The following TRPC3 variants were observed in gnomAD, a reference collection of about 807,000 sequenced individuals.
TRPC3 encodes short transient receptor potential channel 3.
Under a neutral mutation model 90.9 loss-of-function variants are expected in TRPC3, and 54 were observed. The ratio of observed to expected loss-of-function variants is 0.59; its 90% confidence interval spans 0.48 to 0.75. The LOEUF (loss-of-function observed/expected upper bound fraction) is 0.75, where lower values mean the gene tolerates loss of function less well. Among genes scored for constraint, TRPC3 ranks in the 30% least tolerant of loss-of-function variants. The pLI, the probability that TRPC3 is intolerant of heterozygous loss-of-function variation, is 0.00. For missense variants in TRPC3, 918 were observed against 1,194.5 expected (o/e 0.77, Z 3.41); for synonymous variants, 424 against 450.9 (o/e 0.94, Z 0.75).
chr4:121,941,857 A>G (rs1428669999), intron 1 of TRPC3, among the ~76,000 whole-genome samples: 1 of 152,012 alleles, frequency 6.6e-6, no homozygotes, highest in Admixed American at 6.6e-5. Flanking sequence ...GAGTGGGGAC[A>G]CTCTGAACCC....
At position 121,879,071 on chromosome 4, in the gene TRPC3, T is replaced by C. The variant is rs537675133; in HGVS notation, c.*665A>G. 1.5e-4 allele frequency: 23 copies of C among 152,336 alleles called. No individual in the cohort carries two copies. The highest frequency in any genetic ancestry group is 5.3e-4 in the African/African-American group (22 of 41,584). 9.4% of individuals were successfully genotyped at this position (152,336 alleles called of 1,614,324 possible). A position where few individuals can be genotyped will look rare whatever the true frequency, so the allele number is the denominator to read the frequency against. ...TAATGTGTTGTTTTAAATAATTCTA[T>C]GAAACTTAAATATACAATGTAATTA... On this transcript the variant is annotated 3_prime_UTR_variant, in exon 12 of 12. Coordinates refer to ENST00000379645, the MANE Select transcript of TRPC3 (RefSeq NM_001130698.2).
At chr4:121,943,844 AT>A (rs1730401179) in intron 1 of TRPC3, among the ~76,000 whole-genome samples, 1 of 152,170 alleles carries the variant, frequency 6.6e-6, no homozygotes, top group South Asian at 2.1e-4. Flanking sequence ...TTTAAGTCTC[AT>A]TTTTTAAAAA....
In TRPC3 at chr4:121,951,414, C is replaced by T. The variant is rs1333425923; in HGVS notation, c.215+52G>A. The T allele has an allele frequency of 2.6e-6, 3 of 1,142,436 alleles. No homozygotes were observed. The highest frequency in any genetic ancestry group is 3.6e-4 in the Middle Eastern group (1 of 2,774). 70.8% of individuals were successfully genotyped at this position (1,142,436 alleles called of 1,614,324 possible). A position where few individuals can be genotyped will look rare whatever the true frequency, so the allele number is the denominator to read the frequency against. On this transcript the variant is annotated intron_variant, in intron 1 of 11. Coordinates refer to ENST00000379645, the MANE Select transcript of TRPC3 (RefSeq NM_001130698.2). The surrounding 1 kb of genome is among the most constrained non-coding windows in gnomAD (Gnocchi z 4.4). The stretch of plus-strand genomic sequence containing the variant: ...CGCCCGGCGCGCGCCTTCCCGCCCC[C>T]CGCCCGGCACCGCCCTCCGAGGCGC...
chr4:121,950,277 G>C (rs911204539), intron 1 of TRPC3, among the ~76,000 whole-genome samples: 5 of 152,222 alleles, frequency 3.3e-5, no homozygotes, highest in Non-Finnish European at 5.9e-5. Context: ...TGCGCGCGCG[G>C]AGCAGCGCGC....
Position 121,932,131 on chromosome 4 carries a change from G to T in TRPC3, c.987+140C>A. The T allele has an allele frequency of 7.5e-7, 1 of 1,336,134 alleles. No homozygotes were observed. 82.8% of individuals were successfully genotyped at this position (1,336,134 alleles called of 1,614,324 possible). A position where few individuals can be genotyped will look rare whatever the true frequency, so the allele number is the denominator to read the frequency against. ...AGAAAGAAAACATTAGATGAGGTCT[G>T]AATGACGTTCTCAGTCCCTCGTGAT... On this transcript the variant is annotated intron_variant, in intron 2 of 11. Transcript: ENST00000379645. The surrounding 1 kb of genome is among the most constrained non-coding windows in gnomAD (Gnocchi z 7.7).
In TRPC3 at chr4:121,912,030, A is replaced by T; in HGVS notation, c.1405T>A (p.Phe469Ile). The stretch of plus-strand genomic sequence containing the variant: ...GCATTGAACACAAGCAGACCCAGGA[A>T]GATGATGAAAGAAGCTGCATGTGCT... Reference protein sequence around the residue: ...FVAHAASFIIFLGLLVFNASD... With the variant: ...FVAHAASFIIILGLLVFNASD... Residue 469 changes from phenylalanine (F) to isoleucine (I), a missense_variant, in exon 5 of 12, where the codon TTC becomes ATC. Physicochemically the swap from Phe to Ile is conservative, Grantham distance 21 (BLOSUM62 0). Transcript: ENST00000379645. The T allele has an allele frequency of 6.2e-7, 1 of 1,613,932 alleles. No individual in the cohort carries two copies. Among genetic ancestry groups the T allele is most frequent in the Non-Finnish European group, 8.5e-7 (1 of 1,179,856 alleles).
At chr4:121,881,467 T>C (rs1395971809) in intron 11 of TRPC3, among the ~76,000 whole-genome samples, 1 of 152,156 alleles carries the variant, frequency 6.6e-6, no homozygotes, top group Non-Finnish European at 1.5e-5. Context: ...TTCCAATCCT[T>C]TCTCCTGAGA....
rs1727819867 is a variant in TRPC3 at position 121,878,124 on chromosome 4, CAT to C, written c.*1610_*1611del. ...TATTTTATTCAGTTCTGAGACACAA[CAT>C]AAAGTACATAAAGTTTGAAAAATGT... On this transcript the variant is annotated 3_prime_UTR_variant, in exon 12 of 12. Transcript: ENST00000379645. Among the ~76,000 whole-genome samples the C allele has an allele frequency of 6.6e-6, 1 of 152,130 alleles. No individual in the cohort carries two copies. The highest frequency in any genetic ancestry group is 1.5e-5 in the Non-Finnish European group (1 of 68,020).
chr4:121,879,611 A>C lies in TRPC3; in HGVS notation c.*125T>G, dbSNP rs893947532. On this transcript the variant is annotated 3_prime_UTR_variant, in exon 12 of 12. Transcript: ENST00000379645. ...ATAAAACCATTAAGAGCTAACTTTT[A>C]AAGGTTCACATGATAAAGGTAGTTA... 2.9e-6 allele frequency: 3 copies of C among 1,025,574 alleles called. No homozygotes were observed. The Admixed American group carries it at 9.2e-5, about 31-fold the overall frequency. The allele number at this position is 1,025,574 out of a possible 1,614,324, so 63.5% of individuals were successfully genotyped here. A position where few individuals can be genotyped will look rare whatever the true frequency, so the allele number is the denominator to read the frequency against.
intron 9 of TRPC3, among the ~76,000 whole-genome samples, chr4:121,900,400 C>G (rs1028842521): frequency 6.6e-6 from 1 of 152,186 alleles, no homozygotes; most frequent in Admixed American, 6.5e-5. Flanking sequence ...ACATGGCCCT[C>G]TAGCCAAAGA....
At chr4:121,898,284 C>T (rs985096909) in intron 10 of TRPC3, among the ~76,000 whole-genome samples, 1 of 152,320 alleles carries the variant, frequency 6.6e-6, no homozygotes, top group African/African-American at 2.4e-5. Context: ...GGACTGGCAT[C>T]TGTCCGTGGC....
intron 1 of TRPC3, among the ~76,000 whole-genome samples, chr4:121,948,332 A>G (rs573555504): frequency 1.3e-4 from 20 of 150,918 alleles, no homozygotes; most frequent in Non-Finnish European, 2.4e-4. Context: ...CATCATGGAT[A>G]GTGAGTTGCA....
At chr4:121,921,551 C>T (rs34823048) in intron 3 of TRPC3, among the ~76,000 whole-genome samples, 1 of 150,466 alleles carries the variant, frequency 6.6e-6, no homozygotes, top group African/African-American at 2.4e-5. Context: ...AAAAGACTTC[C>T]TGAGTCTCAT....
intron 10 of TRPC3, among the ~76,000 whole-genome samples, chr4:121,897,582 A>C (rs776555275): frequency 6.6e-6 from 1 of 151,912 alleles, no homozygotes; most frequent in Non-Finnish European, 1.5e-5. Flanking sequence ...AATGCTCGAC[A>C]TCACTAACCA....
Position 121,914,857 on chromosome 4 carries a change from T to C in TRPC3, c.1264A>G (p.Lys422Glu), listed in dbSNP as rs1729250785. 1 of 1,613,888 alleles carries C rather than the reference T, an allele frequency of 6.2e-7. No individual in the cohort carries two copies. Among genetic ancestry groups the C allele is most frequent in the Non-Finnish European group, 8.5e-7 (1 of 1,179,890 alleles). ...SGLREQTIAI[K>E]CLVVLVVALG... ...GCCACGACCAGCACAACGAGACACTTGATAGCTATGGTCTGCTCCCTTAGG... is the reference window on the plus strand; with the variant it reads ...GCCACGACCAGCACAACGAGACACTCGATAGCTATGGTCTGCTCCCTTAGG... Residue 422 changes from lysine (K) to glutamate (E), a missense_variant, in exon 4 of 12, where the codon AAG becomes GAG. Lys to Glu is a moderately conservative substitution (Grantham distance 56). This residue lies in a region of TRPC3 where 609 missense variants were observed against 725.9 expected (regional missense o/e 0.84). Transcript: ENST00000379645.
rs140912149 is a variant in TRPC3, at chr4:121,948,938, A to C, written c.215+2528T>G. ...AGCATAACTGCTCATGCCCAGTCTC[A>C]TTCCCACCTCTCCCTCATGAGATTG... On this transcript the variant is annotated intron_variant, in intron 1 of 11. Coordinates refer to ENST00000379645, the MANE Select transcript of TRPC3 (RefSeq NM_001130698.2). Among the ~76,000 whole-genome samples the C allele has an allele frequency of 7.5e-4, 114 of 151,252 alleles. 1 individual carries two copies. Among genetic ancestry groups the C allele is most frequent in the African/African-American group, 2.6e-3 (109 of 41,170 alleles).
chr4:121,941,325 T>C (rs1310674010), intron 1 of TRPC3, among the ~76,000 whole-genome samples: 1 of 152,154 alleles, frequency 6.6e-6, no homozygotes, highest in African/African-American at 2.4e-5. Context: ...ACACCATCAA[T>C]GTGAGTTGAG....
chr4:121,923,885 T>G (rs1444378556), intron 3 of TRPC3, among the ~76,000 whole-genome samples: 1 of 152,230 alleles, frequency 6.6e-6, no homozygotes, highest in Non-Finnish European at 1.5e-5. Flanking sequence ...TCTTTGTGAT[T>G]TATCAGTTTC....
intron 1 of TRPC3, among the ~76,000 whole-genome samples, chr4:121,934,779 G>A (rs1264611200): frequency 2.0e-5 from 3 of 152,140 alleles, no homozygotes; most frequent in Non-Finnish European, 4.4e-5. Flanking sequence ...CAAACAGAGA[G>A]AGGAGCACAG....
Sources: gnomAD v4.1 joint callset for allele counts (sites outside exome capture counted in the v4.1 genomes callset) on GRCh38, gnomAD v4.1.1 for gene constraint, gnomAD v4.1.1 regional missense constraint, Gnocchi (gnomAD v3.1) non-coding constraint, MANE v1.5 for transcripts, NCBI Gene and HGNC (gene_info 2026-07-23, HGNC 2026-07-21) for gene names.